The following COL24A1 variants were observed in gnomAD, a reference collection of about 807,000 sequenced individuals.
The protein encoded by COL24A1 is collagen alpha-1(XXIV) chain.
In COL24A1, 224 loss-of-function variants were observed where a neutral mutation model predicts 253.9. The observed-to-expected ratio is 0.88, with a 90% CI of 0.79 to 0.99. The LOEUF (loss-of-function observed/expected upper bound fraction) is 0.99, where lower values mean the gene tolerates loss of function less well. Among genes scored for constraint, COL24A1 ranks in the 50% least tolerant of loss-of-function variants. The pLI, the probability that COL24A1 is intolerant of heterozygous loss-of-function variation, is 0.00. For synonymous variants in COL24A1, 685 were observed against 673.7 expected (o/e 1.02, Z -0.26); for missense variants, 2,131 against 2,068.5 (o/e 1.03, Z -0.59).
intron 57 of COL24A1, among the ~76,000 whole-genome samples, chr1:85,742,434 G>T (rs1292856217): frequency 6.6e-6 from 1 of 151,986 alleles, no homozygotes; most frequent in South Asian, 2.1e-4. Flanking sequence ...GCCCGTCCTA[G>T]ACCTCATTTC....
At chr1:85,951,724 T>C (rs1032762275) in intron 24 of COL24A1, among the ~76,000 whole-genome samples, 3 of 152,208 alleles carry the variant, frequency 2.0e-5, no homozygotes, top group African/African-American at 7.2e-5. Context: ...CATCTTGGTC[T>C]TTTCTGATTT....
At chr1:85,885,078 C>A (rs1437609135) in intron 32 of COL24A1, among the ~76,000 whole-genome samples, 1 of 152,100 alleles carries the variant, frequency 6.6e-6, no homozygotes, top group African/African-American at 2.4e-5. Context: ...TGTCTTGTAA[C>A]CTTAATTCTC....
chr1:85,911,635 T>C (rs1281366636), intron 24 of COL24A1, among the ~76,000 whole-genome samples: 3 of 152,066 alleles, frequency 2.0e-5, no homozygotes, highest in Non-Finnish European at 4.4e-5. Context: ...CAAAAATATA[T>C]CAGTGCCTAA....
At chr1:85,745,951 T>C (rs1036415958) in intron 55 of COL24A1, among the ~76,000 whole-genome samples, 1 of 152,216 alleles carries the variant, frequency 6.6e-6, no homozygotes, top group African/African-American at 2.4e-5. Flanking sequence ...ATTAATTTAA[T>C]CTGATACTTC....
chr1:85,957,273 G>T (rs674055), intron 24 of COL24A1, among the ~76,000 whole-genome samples: 1,761 of 152,114 alleles, frequency 0.012, 33 homozygotes, highest in African/African-American at 0.041. Flanking sequence ...CGGGTTGATG[G>T]GTGCAGCAAA....
intron 52 of COL24A1, among the ~76,000 whole-genome samples, chr1:85,775,981 G>T (rs189294036): frequency 6.6e-6 from 1 of 152,106 alleles, no homozygotes; most frequent in Non-Finnish European, 1.5e-5. Context: ...ATTCAATTAA[G>T]TCAAAACAGC....
intron 50 of COL24A1, 135 bp downstream of exon 50, chr1:85,783,978 C>T (rs944473202): frequency 6.1e-5 from 36 of 585,652 alleles, no homozygotes; most frequent in East Asian, 2.6e-4. Flanking sequence ...CAGATGTATT[C>T]GAAACTCAAA....
At chr1:85,917,589 T>A (rs1312779405) in intron 24 of COL24A1, among the ~76,000 whole-genome samples, 1 of 152,040 alleles carries the variant, frequency 6.6e-6, no homozygotes, top group African/African-American at 2.4e-5. Context: ...CTTTTCCATG[T>A]CTTTGCTCAA....
intron 53 of COL24A1, among the ~76,000 whole-genome samples, chr1:85,767,133 TAAG>T (rs950399457): frequency 2.2e-5 from 3 of 136,374 alleles, no homozygotes; most frequent in Non-Finnish European, 3.3e-5. Flanking sequence ...ATAATAATAA[TAAG>T]ATTGACAAAC....
At chr1:85,911,317 G>T in intron 25 of COL24A1, 63 bp downstream of exon 25, 7 of 1,249,650 alleles carry the variant, frequency 5.6e-6, no homozygotes, top group Non-Finnish European at 8.2e-6. Context: ...TCATATGAAA[G>T]TCTGCCTTTT....
intron 53 of COL24A1, 142 bp from the exon 54 acceptor site, chr1:85,761,708 T>A (rs1666867852): frequency 2.7e-6 from 2 of 734,918 alleles, no homozygotes; most frequent in Non-Finnish European, 2.3e-6. Flanking sequence ...TATTCTAAAG[T>A]TATATGCTGT....
At chr1:85,853,348 C>CTT (rs952272553) in intron 37 of COL24A1, among the ~76,000 whole-genome samples, 2 of 149,284 alleles carry the variant, frequency 1.3e-5, no homozygotes, top group African/African-American at 4.9e-5. Context: ...ATACATACCA[C>CTT]TTTTTTTTTT....
Position 85,786,024 on chromosome 1 carries a change from A to G in COL24A1, c.4059+330T>C, listed in dbSNP as rs539287330. On this transcript the variant is annotated intron_variant, in intron 48 of 59. Transcript: ENST00000370571. ...AGGAATTGTATTTGAGAAAGTATTT[A>G]TCTGGAAGTAAATAAGATTTCCCTG... 1.1e-4 allele frequency among the ~76,000 whole-genome samples: 17 copies of G among 152,354 alleles called. No individual in the cohort carries two copies. In the South Asian group the frequency reaches 3.1e-3, roughly 28 times the overall value.
chr1:86,046,803 CA>C, intron 12 of COL24A1, 21 bp downstream of exon 12: 8 of 1,611,304 alleles, frequency 5.0e-6, no homozygotes, highest in Non-Finnish European at 5.9e-6. Context: ...AAATAAACCT[CA>C]AAAAACACAA....
chr1:86,017,232 T>C (rs1697080184), intron 18 of COL24A1, 28 bp from the exon 19 acceptor site: 2 of 1,532,406 alleles, frequency 1.3e-6, no homozygotes, highest in African/African-American at 2.9e-5. Context: ...GATCAAAGTA[T>C]AAACATAAAC....
intron 37 of COL24A1, among the ~76,000 whole-genome samples, chr1:85,861,753 A>G (rs980316967): frequency 2.6e-5 from 4 of 152,200 alleles, no homozygotes; most frequent in Admixed American, 6.5e-5. Context: ...AGCCAATAAC[A>G]CTAACCACAC....
Position 86,089,157 on chromosome 1 carries a change from G to C in COL24A1, c.1707+17C>G, listed in dbSNP as rs372189936. ...AAAAAAGAAGAAAAAAAGAAAAGAAGTAAAATTCCAACTTACCTTATCACC... is the reference window on the plus strand; with the variant it reads ...AAAAAAGAAGAAAAAAAGAAAAGAACTAAAATTCCAACTTACCTTATCACC... On this transcript the variant is annotated intron_variant, in intron 7 of 59. Coordinates refer to ENST00000370571, the MANE Select transcript of COL24A1 (RefSeq NM_152890.7). The C allele has an allele frequency of 6.4e-7, 1 of 1,556,652 alleles. No individual in the cohort carries two copies. Among genetic ancestry groups the C allele is most frequent in the Non-Finnish European group, 8.6e-7 (1 of 1,159,944 alleles).
rs560039510 is a variant in COL24A1, at chr1:86,086,275, T to C, written c.1707+2899A>G. ...CTTAAATACCACTGTCTAACAAATA[T>C]CGAATTAACGTGCTTCTGGCCAGAG... On this transcript the variant is annotated intron_variant, in intron 7 of 59. Transcript: ENST00000370571. Among the ~76,000 whole-genome samples the C allele has an allele frequency of 9.2e-5, 14 of 152,156 alleles. 1 individual carries two copies. The South Asian group carries it at 2.9e-3, about 32-fold the overall frequency.
chr1:85,873,838 A>T (rs1198448202), intron 35 of COL24A1, among the ~76,000 whole-genome samples: 1 of 151,952 alleles, frequency 6.6e-6, no homozygotes, highest in Non-Finnish European at 1.5e-5. Context: ...TAAAAAAAAA[A>T]GACTAAGGCT....
Sources: gnomAD v4.1 joint callset for allele counts (sites outside exome capture counted in the v4.1 genomes callset) on GRCh38, gnomAD v4.1.1 for gene constraint, MANE v1.5 for transcripts, NCBI Gene and HGNC (gene_info 2026-07-23, HGNC 2026-07-21) for gene names.